EPHA6: variants seen among roughly 807,000 people sequenced by gnomAD.
EPHA6 encodes the protein ephrin type-A receptor 6.
In EPHA6, 50 loss-of-function variants were observed where a neutral mutation model predicts 112.0. The ratio of observed to expected loss-of-function variants is 0.45; its 90% CI spans 0.36 to 0.56. The LOEUF (loss-of-function observed/expected upper bound fraction) is 0.56. Ranked by LOEUF, EPHA6 falls within the 20% of genes least tolerant of loss-of-function variation. The pLI is 0.00. For synonymous variants in EPHA6, 529 were observed against 490.7 expected (o/e 1.08, Z -1.03); for missense variants, 1,280 against 1,417.4 (o/e 0.90, Z 1.56).
intron 7 of EPHA6, among the ~76,000 whole-genome samples, chr3:97,463,767 G>C (rs895124755): frequency 2.0e-5 from 3 of 152,108 alleles, no homozygotes; most frequent in Non-Finnish European, 4.4e-5. Context: ...TTCATTCCAT[G>C]CACACAGACT....
intron 14 of EPHA6, among the ~76,000 whole-genome samples, chr3:97,667,776 A>G (rs2030305631): frequency 6.6e-6 from 1 of 152,010 alleles, no homozygotes; most frequent in Admixed American, 6.6e-5. Flanking sequence ...TTCTATCCCC[A>G]TTTCTCATAT....
At chr3:97,441,509 T>C (rs1577424684) in intron 6 of EPHA6, 1 of 777,356 alleles carries the variant, frequency 1.3e-6, no homozygotes, top group African/African-American at 1.9e-5. Context: ...CATAACACAA[T>C]TAGAATCTGT....
At chr3:97,203,386 G>C (rs1223320368) in intron 3 of EPHA6, among the ~76,000 whole-genome samples, 1 of 152,086 alleles carries the variant, frequency 6.6e-6, no homozygotes, top group Non-Finnish European at 1.5e-5. Context: ...TTGCCTGCTT[G>C]AGGCAATTAG....
rs1559638951 is a variant in EPHA6, at chr3:97,737,976, C to CT, written c.3128+1858_3128+1859insT. Among the ~76,000 whole-genome samples, 8 of 152,134 alleles carry CT rather than the reference C, an allele frequency of 5.3e-5. No individual in the cohort carries two copies. In the East Asian group the frequency reaches 1.5e-3, roughly 29 times the overall value. ...GAGAGAGTTTCAAGGAGTATAATGTCCAAGCCTTCACAAAATTGCAGTAAA... is the reference window on the plus strand; with the variant it reads ...GAGAGAGTTTCAAGGAGTATAATGTCTCAAGCCTTCACAAAATTGCAGTAAA... On this transcript the variant is annotated intron_variant, in intron 16 of 17. Transcript: ENST00000389672.
At chr3:96,952,086 A>G (rs1039576121) in intron 2 of EPHA6, among the ~76,000 whole-genome samples, 1 of 152,112 alleles carries the variant, frequency 6.6e-6, no homozygotes, top group Non-Finnish European at 1.5e-5. Context: ...CAGCCTGGGT[A>G]CTTGTCCTCT....
At chr3:97,618,392 C>T (rs1359364752) in intron 13 of EPHA6, among the ~76,000 whole-genome samples, 1 of 151,976 alleles carries the variant, frequency 6.6e-6, no homozygotes, top group Non-Finnish European at 1.5e-5. Flanking sequence ...GCAAACAAAT[C>T]CCAAAGCTAG....
intron 3 of EPHA6, among the ~76,000 whole-genome samples, chr3:97,126,197 T>TA (rs1240045295): frequency 2.0e-5 from 3 of 152,156 alleles, no homozygotes; most frequent in Non-Finnish European, 2.9e-5. Context: ...GCTTGGGACT[T>TA]ACTGATTTAG....
chr3:97,099,711 A>G (rs2047348030), intron 3 of EPHA6, among the ~76,000 whole-genome samples: 2 of 151,890 alleles, frequency 1.3e-5, no homozygotes, highest in African/African-American at 4.8e-5. Context: ...AGCTCTCTCC[A>G]TCTTTCTTCT....
At chr3:97,011,659 T>C (rs2044089569) in intron 3 of EPHA6, among the ~76,000 whole-genome samples, 1 of 152,238 alleles carries the variant, frequency 6.6e-6, no homozygotes, top group Admixed American at 6.5e-5. Flanking sequence ...TTTCAACTTT[T>C]ATTTTAGATT....
chr3:97,277,035 G>A (rs1214012438), intron 5 of EPHA6, among the ~76,000 whole-genome samples: 1 of 152,144 alleles, frequency 6.6e-6, no homozygotes, highest in African/African-American at 2.4e-5. Flanking sequence ...CTGGCAAGGA[G>A]CAGCCTGGGG....
chr3:96,985,200 G>A (rs990531298), intron 2 of EPHA6, among the ~76,000 whole-genome samples: 2 of 151,794 alleles, frequency 1.3e-5, no homozygotes, highest in Non-Finnish European at 2.9e-5. Flanking sequence ...AACACCCCCC[G>A]GAATATAATT....
At chr3:97,323,772 C>G (rs1006681170) in intron 5 of EPHA6, among the ~76,000 whole-genome samples, 1 of 151,666 alleles carries the variant, frequency 6.6e-6, no homozygotes, top group Non-Finnish European at 1.5e-5. Flanking sequence ...AATAGCGCCA[C>G]AGGGAGAAAG....
chr3:96,815,540 C>G (rs1353657956), intron 1 of EPHA6, among the ~76,000 whole-genome samples: 1 of 152,232 alleles, frequency 6.6e-6, no homozygotes, highest in South Asian at 2.1e-4. Flanking sequence ...TAGACTTACT[C>G]GAAATTCTTC....
At chr3:97,070,611 T>C (rs1199882626) in intron 3 of EPHA6, among the ~76,000 whole-genome samples, 1 of 152,192 alleles carries the variant, frequency 6.6e-6, no homozygotes, top group Non-Finnish European at 1.5e-5. Flanking sequence ...AATATTTTTC[T>C]TTTTACAATT....
intron 3 of EPHA6, among the ~76,000 whole-genome samples, chr3:97,139,243 T>C (rs890990772): frequency 2.6e-5 from 4 of 152,032 alleles, no homozygotes; most frequent in Non-Finnish European, 4.4e-5. Flanking sequence ...AAAGGGCAAG[T>C]AAAAATTTCA....
At chr3:96,927,354 A>G (rs960869683) in intron 2 of EPHA6, among the ~76,000 whole-genome samples, 1 of 152,046 alleles carries the variant, frequency 6.6e-6, no homozygotes, top group African/African-American at 2.4e-5. Flanking sequence ...CCCTGGAAAC[A>G]TTTTCTCCAT....
chr3:97,051,604 G>A (rs1261560230), intron 3 of EPHA6, among the ~76,000 whole-genome samples: 1 of 152,050 alleles, frequency 6.6e-6, no homozygotes. Flanking sequence ...GTGGAAATTA[G>A]GAATGTGTAT....
chr3:97,668,187 T>C (rs1483109114), intron 14 of EPHA6, among the ~76,000 whole-genome samples: 2 of 152,208 alleles, frequency 1.3e-5, no homozygotes, highest in Non-Finnish European at 2.9e-5. Context: ...CTTCAAAGTA[T>C]AATGAGAGCA....
At position 97,680,440 on chromosome 3, in the gene EPHA6, C is replaced by T. The variant is rs975995639; in HGVS notation, c.2785-39821C>T. Among the ~76,000 whole-genome samples the T allele has an allele frequency of 4.6e-5, 7 of 152,202 alleles. No homozygotes were observed. In the South Asian group the frequency reaches 8.3e-4, roughly 18 times the overall value. On this transcript the variant is annotated intron_variant, in intron 14 of 17. Transcript: ENST00000389672. ...GTCTCTCTGATTAGACTCTCAGTTC[C>T]TTGAGGGAGACATCTAATGTCACTT...
Sources: allele counts gnomAD v4.1 joint callset (sites outside exome capture counted in the v4.1 genomes callset), GRCh38; gene constraint gnomAD v4.1.1; transcripts MANE v1.5; gene names NCBI Gene and HGNC (gene_info 2026-07-23, HGNC 2026-07-21).